The following PCDHGB5 variants were observed in gnomAD, a reference collection of about 807,000 sequenced individuals.
The protein encoded by PCDHGB5 is protocadherin gamma subfamily B, 5, also known as protocadherin gamma-B5.
Under a neutral mutation model 62.9 loss-of-function variants are expected in PCDHGB5, and 48 were observed. That is an observed-to-expected ratio of 0.76 (90% CI 0.61 to 0.97). The LOEUF is 0.97. PCDHGB5 is among the 50% of genes least tolerant of loss of function. The pLI, the probability that PCDHGB5 is intolerant of heterozygous loss-of-function variation, is 0.00. For synonymous variants in PCDHGB5, 474 were observed against 511.2 expected, an observed-to-expected ratio of 0.93 and a Z score of 0.98; for missense variants, 1,118 against 1,198.6, an observed-to-expected ratio of 0.93 and a Z score of 0.99.
At position 141,455,354 on chromosome 5, in the gene PCDHGB5, T is replaced by C. The variant is rs185319743; in HGVS notation, c.2398-39453T>C. ...TGGTTTTAAGGAGCGGAGAGTTTAA[T>C]AGGCAAGAAGGAAGGGAGAAGACAG... On this transcript the variant is annotated intron_variant, in intron 1 of 3. Coordinates refer to ENST00000617380, the MANE Select transcript of PCDHGB5 (RefSeq NM_018925.3). Among the ~76,000 whole-genome samples the C allele has an allele frequency of 1.7e-3, 263 of 152,180 alleles. 2 individuals are homozygous for C. The highest frequency in any genetic ancestry group is 3.0e-3 in the Non-Finnish European group (207 of 68,010).
At chr5:141,449,252 T>C (rs1401555556) in intron 1 of PCDHGB5, among the ~76,000 whole-genome samples, 1 of 152,144 alleles carries the variant, frequency 6.6e-6, no homozygotes, top group Non-Finnish European at 1.5e-5. Flanking sequence ...GTTGCAAGAA[T>C]TGTACAAAGA....
At chr5:141,415,063 G>A (rs569362520) in intron 1 of PCDHGB5, 3 of 1,613,432 alleles carry the variant, frequency 1.9e-6, no homozygotes, top group Admixed American at 1.7e-5. Flanking sequence ...CACGGGCGAG[G>A]TGCGCACGGC....
intron 1 of PCDHGB5, among the ~76,000 whole-genome samples, chr5:141,474,684 T>A (rs1302389621): frequency 6.6e-6 from 1 of 152,246 alleles, no homozygotes; most frequent in Non-Finnish European, 1.5e-5. Context: ...TGCCTACCCC[T>A]TCACTTATGT....
rs530054362 is a variant in PCDHGB5 at position 141,486,066 on chromosome 5, C to G, written c.2398-8741C>G. ...AGAAACCTCTTTAGCCTGCACCCCACTACTGGAAAGCTTACTCTTTTGGGG... is the reference window on the plus strand; with the variant it reads ...AGAAACCTCTTTAGCCTGCACCCCAGTACTGGAAAGCTTACTCTTTTGGGG... On this transcript the variant is annotated intron_variant, in intron 1 of 3. Coordinates refer to ENST00000617380, the MANE Select transcript of PCDHGB5 (RefSeq NM_018925.3). This position sits in a 1 kb window ranked among gnomAD's most constrained non-coding sequence, Gnocchi z 5.0. The G allele has an allele frequency of 3.1e-6, 5 of 1,614,166 alleles. No homozygotes were observed. In the African/African-American group the frequency reaches 5.3e-5, roughly 17 times the overall value.
Position 141,490,503 on chromosome 5 carries a change from C to A in PCDHGB5, c.2398-4304C>A, listed in dbSNP as rs2099701103. On this transcript the variant is annotated intron_variant, in intron 1 of 3. Coordinates refer to ENST00000617380, the MANE Select transcript of PCDHGB5 (RefSeq NM_018925.3). The surrounding 1 kb of genome is among the most constrained non-coding windows in gnomAD (Gnocchi z 5.4). ...ACCGGGAGGCCACATCCCACTATAT[C>A]ATCGAGCTGCTGGCCAGCGATGCTG... 3.7e-6 allele frequency: 6 copies of A among 1,614,206 alleles called. No individual in the cohort carries two copies. In the African/African-American group the frequency reaches 8.0e-5, roughly 22 times the overall value.
intron 1 of PCDHGB5, among the ~76,000 whole-genome samples, chr5:141,461,100 T>C (rs926482549): frequency 1.1e-4 from 16 of 152,062 alleles, no homozygotes; most frequent in African/African-American, 3.6e-4. Context: ...TATAAACATA[T>C]GTGTCCAAGT....
chr5:141,481,900 C>T (rs949418188), intron 1 of PCDHGB5, among the ~76,000 whole-genome samples: 13 of 126,002 alleles, frequency 1.0e-4, no homozygotes, highest in African/African-American at 3.2e-4. Flanking sequence ...GGTGAAAGAG[C>T]GAAACTCCAT....
chr5:141,410,885 G>A (rs970749503), intron 1 of PCDHGB5: 7 of 287,302 alleles, frequency 2.4e-5, no homozygotes, highest in African/African-American at 1.6e-4. Context: ...ATGGAGTCTC[G>A]CACTGTTGCC....
At chr5:141,461,354 C>T (rs1189322704) in intron 1 of PCDHGB5, among the ~76,000 whole-genome samples, 2 of 152,054 alleles carry the variant, frequency 1.3e-5, no homozygotes, top group Non-Finnish European at 2.9e-5. Context: ...GGTGGTAGCT[C>T]GTTGTGGTTT....
chr5:141,487,127 A>T lies in PCDHGB5; in HGVS notation c.2398-7680A>T. ...GGTCATTGTGGTAAAGGATAGTGGT[A>T]GTCCACCACTCTCTACCTCTGTTAC... On this transcript the variant is annotated intron_variant, in intron 1 of 3. Coordinates refer to ENST00000617380, the MANE Select transcript of PCDHGB5 (RefSeq NM_018925.3). The surrounding 1 kb of genome is among the most constrained non-coding windows in gnomAD (Gnocchi z 5.0). 6.2e-7 allele frequency: 1 copy of T among 1,613,334 alleles called. No individual in the cohort carries two copies. Among genetic ancestry groups the T allele is most frequent in the Admixed American group, 1.7e-5 (1 of 60,026 alleles).
chr5:141,399,639 C>A lies in PCDHGB5; in HGVS notation c.1512C>A (p.Ser504Arg), dbSNP rs1405309490. Residue 504 changes from serine to arginine, a missense_variant, in exon 1 of 4, where the codon AGC (serine) becomes AGA (arginine). By Grantham distance (110) the Ser-to-Arg change is moderately radical (BLOSUM62 -1). Transcript: ENST00000617380. ...CACTGGCCTCTTACGTGTCCATGAG[C>A]GCGCAAAGTGGGGTGGTGTTCGCGC... The part of the protein sequence containing the change: ...PLALASYVSM[S>R]AQSGVVFAQR... 5 of 1,613,858 alleles carry A rather than the reference C, an allele frequency of 3.1e-6. No individual in the cohort carries two copies. The highest frequency in any genetic ancestry group is 3.4e-6 in the Non-Finnish European group (4 of 1,179,886).
intron 1 of PCDHGB5, among the ~76,000 whole-genome samples, chr5:141,437,491 T>C (rs1428543921): frequency 6.6e-6 from 1 of 152,184 alleles, no homozygotes; most frequent in Non-Finnish European, 1.5e-5. Flanking sequence ...ATCTCGTAGA[T>C]CACTTTTCAA....
At chr5:141,419,656 G>A (rs1374057056) in intron 1 of PCDHGB5, 15 of 1,612,528 alleles carry the variant, frequency 9.3e-6, no homozygotes, top group Non-Finnish European at 8.5e-6. Context: ...CGGACTCGGG[G>A]CACAATGCCT....
At position 141,512,430 on chromosome 5, in the gene PCDHGB5, CT is replaced by C. The variant is rs1357890225; in HGVS notation, c.*1258del. The C allele has an allele frequency of 1.3e-5, 2 of 152,824 alleles. No homozygotes were observed. Among genetic ancestry groups the C allele is most frequent in the Non-Finnish European group, 2.9e-5 (2 of 68,158 alleles). 9.5% of individuals were successfully genotyped at this position (152,824 alleles called of 1,614,324 possible). On this transcript the variant is annotated 3_prime_UTR_variant, in exon 4 of 4. Coordinates refer to ENST00000617380, the MANE Select transcript of PCDHGB5 (RefSeq NM_018925.3). ...CTTCTTCAACAGGGCCCCTGCCCTCCTGAAGCCTCAGTCCTTCACCTTGCCA... is the reference window on the plus strand; with the variant it reads ...CTTCTTCAACAGGGCCCCTGCCCTCCGAAGCCTCAGTCCTTCACCTTGCCA...
chr5:141,473,655 G>A (rs2099326380), intron 1 of PCDHGB5, among the ~76,000 whole-genome samples: 1 of 152,182 alleles, frequency 6.6e-6, no homozygotes, highest in Non-Finnish European at 1.5e-5. Context: ...AACAATTTGT[G>A]TGAAGGCCCT....
chr5:141,431,351 C>A lies in PCDHGB5; in HGVS notation c.2397+30827C>A. On this transcript the variant is annotated intron_variant, in intron 1 of 3. Coordinates refer to ENST00000617380, the MANE Select transcript of PCDHGB5 (RefSeq NM_018925.3). The surrounding 1 kb of genome is among the most constrained non-coding windows in gnomAD (Gnocchi z 4.8). ...TAAGTACCCCGAATTGGTGCTGAAA[C>A]GCGCCCTGGACCGCGAAGAAAAGGC... The A allele has an allele frequency of 6.2e-7, 1 of 1,614,064 alleles. No individual in the cohort carries two copies. The highest frequency in any genetic ancestry group is 8.5e-7 in the Non-Finnish European group (1 of 1,180,042).
At chr5:141,497,568 C>G (rs1012946741) in intron 2 of PCDHGB5, among the ~76,000 whole-genome samples, 2 of 140,602 alleles carry the variant, frequency 1.4e-5, no homozygotes, top group African/African-American at 5.4e-5. Flanking sequence ...TAGACAGAGT[C>G]TTGCTCTGTT....
Position 141,487,302 on chromosome 5 carries a change from C to T in PCDHGB5, c.2398-7505C>T, listed in dbSNP as rs763268817. 3.7e-6 allele frequency: 6 copies of T among 1,614,154 alleles called. No homozygotes were observed. The highest frequency in any genetic ancestry group is 3.4e-6 in the Non-Finnish European group (4 of 1,180,002). On this transcript the variant is annotated intron_variant, in intron 1 of 3. Transcript: ENST00000617380. This position sits in a 1 kb window ranked among gnomAD's most constrained non-coding sequence, Gnocchi z 5.0. ...TTTGTCTCCTTTGGCTCATTCGTGGCACTACTCTCTAAGTGTCTTCGTGGG... is the reference window on the plus strand; with the variant it reads ...TTTGTCTCCTTTGGCTCATTCGTGGTACTACTCTCTAAGTGTCTTCGTGGG...
chr5:141,415,739 G>A, intron 1 of PCDHGB5: 4 of 434,948 alleles, frequency 9.2e-6, no homozygotes, highest in Non-Finnish European at 1.3e-5. Context: ...TGTTTATTAA[G>A]GTTTTTTTTT....
Sources: gnomAD v4.1 joint callset for allele counts (sites outside exome capture counted in the v4.1 genomes callset) on GRCh38, gnomAD v4.1.1 for gene constraint, Gnocchi (gnomAD v3.1) non-coding constraint, MANE v1.5 for transcripts, NCBI Gene and HGNC (gene_info 2026-07-23, HGNC 2026-07-21) for gene names.